The following ADAM10 variants were observed in gnomAD, a reference collection of about 807,000 sequenced individuals.
ADAM10 encodes disintegrin and metalloproteinase domain-containing protein 10.
Under a neutral mutation model 90.1 loss-of-function variants are expected in ADAM10, and 17 were observed. The observed-to-expected ratio is 0.19, with a 90% confidence interval of 0.13 to 0.28. The LOEUF (loss-of-function observed/expected upper bound fraction) is 0.28. Ranked by LOEUF, ADAM10 falls within the 10% of genes least tolerant of loss-of-function variation. The probability of loss-of-function intolerance (pLI) is 1.00; values close to 1 mark genes in which losing one functional copy is unlikely to be tolerated. For missense variants in ADAM10, 610 were observed against 914.3 expected (o/e 0.67, Z 4.29); for synonymous variants, 310 against 298.6 (o/e 1.04, Z -0.40).
chr15:58,716,472 C>T (rs1308744507), intron 2 of ADAM10, among the ~76,000 whole-genome samples: 1 of 152,102 alleles, frequency 6.6e-6, no homozygotes, highest in Non-Finnish European at 1.5e-5. Context: ...GGATTTAGGA[C>T]AAATGACACA....
chr15:58,617,460 T>G (rs1317092363), intron 11 of ADAM10, among the ~76,000 whole-genome samples: 7 of 152,110 alleles, frequency 4.6e-5, no homozygotes, highest in Non-Finnish European at 1.0e-4. Context: ...CAATACTTCC[T>G]GATCACCAGG....
chr15:58,749,148 A>C lies in ADAM10; in HGVS notation c.55+332T>G, dbSNP rs12915952. 3,637 of 398,302 alleles carry C rather than the reference A, an allele frequency of 9.1e-3. 28 individuals carry two copies. The highest frequency in any genetic ancestry group is 0.013 in the Non-Finnish European group (2,880 of 226,888). The allele number at this position is 398,302 out of a possible 1,614,324, so 24.7% of individuals were successfully genotyped here. ...CCGAGCAGACTGGAGGGATGCAGCC[A>C]CCAGCCTGGGTTCCACCGCTCTCAC... On this transcript the variant is annotated intron_variant, in intron 1 of 15. Coordinates refer to ENST00000260408, the MANE Select transcript of ADAM10 (RefSeq NM_001110.4).
intron 12 of ADAM10, 152 bp downstream of exon 12, chr15:58,611,656 G>C: frequency 1.4e-6 from 1 of 697,232 alleles, no homozygotes; most frequent in Non-Finnish European, 2.3e-6. Flanking sequence ...CTAATTGAAT[G>C]CCACATAATA....
In ADAM10 at chr15:58,632,600, C is replaced by T. The variant is rs866482644; in HGVS notation, c.1176+596G>A. 8.5e-4 allele frequency among the ~76,000 whole-genome samples: 130 copies of T among 152,288 alleles called. 1 individual carries two copies. In the Middle Eastern group the frequency reaches 0.054, roughly 64 times the overall value. On this transcript the variant is annotated intron_variant, in intron 9 of 15. Transcript: ENST00000260408. The stretch of plus-strand genomic sequence containing the variant: ...CCCTTTACAGAAAATGTTTGCTGAT[C>T]CCTGTTCTGAATCATGGGCGTATAA...
intron 9 of ADAM10, among the ~76,000 whole-genome samples, chr15:58,628,521 A>G (rs116755483): frequency 2.1e-3 from 317 of 152,360 alleles, no homozygotes; most frequent in African/African-American, 7.3e-3. Flanking sequence ...ATAAATGCAC[A>G]TAAGTGGTGT....
At chr15:58,716,105 CAAT>C (rs1306296288) in intron 2 of ADAM10, among the ~76,000 whole-genome samples, 3 of 152,044 alleles carry the variant, frequency 2.0e-5, no homozygotes, top group African/African-American at 4.8e-5. Context: ...ATTTTTTCAA[CAAT>C]AATCATTACT....
At chr15:58,720,919 A>T (rs1472012587) in intron 1 of ADAM10, among the ~76,000 whole-genome samples, 1 of 152,224 alleles carries the variant, frequency 6.6e-6, no homozygotes, top group African/African-American at 2.4e-5. Flanking sequence ...GAGTTGCCAT[A>T]GCACAAGCTT....
chr15:58,610,670 C>T, intron 13 of ADAM10, 153 bp from the exon 14 acceptor site: 1 of 763,528 alleles, frequency 1.3e-6, no homozygotes, highest in Non-Finnish European at 2.2e-6. Context: ...CTGGGTAACG[C>T]CATCAGTAAT....
In ADAM10 at chr15:58,589,431, T is replaced by A. The variant is rs543675403; in HGVS notation, c.*8116A>T. On this transcript the variant is annotated 3_prime_UTR_variant, in exon 16 of 16. Transcript: ENST00000260408. ...GGGAAGTCATCTTGGCTCTTCCCAC[T>A]ACCTACCTACCATGCTCGATATGCA... 1 of 152,380 alleles carries A rather than the reference T, an allele frequency of 6.6e-6. No individual in the cohort carries two copies. The highest frequency in any genetic ancestry group is 2.4e-5 in the African/African-American group (1 of 41,574). 9.4% of individuals were successfully genotyped at this position (152,380 alleles called of 1,614,324 possible).
chr15:58,738,924 TCA>T (rs1899515194), intron 1 of ADAM10, among the ~76,000 whole-genome samples: 1 of 152,148 alleles, frequency 6.6e-6, no homozygotes, highest in Non-Finnish European at 1.5e-5. Context: ...TACATCACTT[TCA>T]CACTCACACA....
chr15:58,730,525 C>A (rs940679661), intron 1 of ADAM10, among the ~76,000 whole-genome samples: 1 of 151,916 alleles, frequency 6.6e-6, no homozygotes, highest in African/African-American at 2.4e-5. Context: ...GGTATCAAAT[C>A]TTTGGTAAGT....
At chr15:58,696,255 C>G (rs1337359860) in intron 2 of ADAM10, among the ~76,000 whole-genome samples, 1 of 151,834 alleles carries the variant, frequency 6.6e-6, no homozygotes, top group Non-Finnish European at 1.5e-5. Flanking sequence ...CCACTGCACT[C>G]CAAGTCTGGG....
intron 2 of ADAM10, chr15:58,691,325 C>A: frequency 8.3e-7 from 1 of 1,207,122 alleles, no homozygotes; most frequent in Non-Finnish European, 1.2e-6. Flanking sequence ...ATTCCTTGAG[C>A]TGCTGCACAC....
At chr15:58,674,357 T>C (rs1897266368) in intron 4 of ADAM10, among the ~76,000 whole-genome samples, 1 of 152,202 alleles carries the variant, frequency 6.6e-6, no homozygotes, top group Non-Finnish European at 1.5e-5. Flanking sequence ...ACCAATACAC[T>C]TGTATGCACT....
intron 1 of ADAM10, among the ~76,000 whole-genome samples, chr15:58,725,368 C>CA (rs566581100): frequency 0.11 from 11,685 of 110,710 alleles, 734 homozygotes; most frequent in African/African-American, 0.2. Flanking sequence ...TTGTCTCTAC[C>CA]AAAAAAAAAA....
At chr15:58,597,724 G>C in intron 15 of ADAM10, 83 bp from the exon 16 acceptor site, 4 of 1,517,156 alleles carry the variant, frequency 2.6e-6, no homozygotes, top group South Asian at 1.2e-5. Flanking sequence ...GTTTCAATAA[G>C]AAAGGTTTTA....
At chr15:58,602,500 T>C (rs1407721506) in intron 14 of ADAM10, among the ~76,000 whole-genome samples, 1 of 152,014 alleles carries the variant, frequency 6.6e-6, no homozygotes, top group African/African-American at 2.4e-5. Context: ...CCACTATAGC[T>C]CCCCAACTTT....
In ADAM10 at chr15:58,729,720, T is replaced by C. The variant is rs138423413; in HGVS notation, c.56-11993A>G. Among the ~76,000 whole-genome samples the C allele has an allele frequency of 3.1e-3, 478 of 152,182 alleles. 2 individuals carry two copies. Among genetic ancestry groups the C allele is most frequent in the African/African-American group, 0.011 (453 of 41,526 alleles). ...GGCTCACGCTTGTAATCCCAGCACT[T>C]TGGGAGGCCAAGGCAGGCGGATCAC... is the stretch of plus-strand genomic sequence containing the variant. On this transcript the variant is annotated intron_variant, in intron 1 of 15. Coordinates refer to ENST00000260408, the MANE Select transcript of ADAM10 (RefSeq NM_001110.4).
chr15:58,631,534 T>A (rs1417426045), intron 9 of ADAM10, among the ~76,000 whole-genome samples: 1 of 152,138 alleles, frequency 6.6e-6, no homozygotes, highest in Non-Finnish European at 1.5e-5. Context: ...AGCAGCATTA[T>A]GTGGGAGTAT....
Sources: allele counts gnomAD v4.1 joint callset (sites outside exome capture counted in the v4.1 genomes callset), GRCh38; gene constraint gnomAD v4.1.1; transcripts MANE v1.5; gene names NCBI Gene and HGNC (gene_info 2026-07-23, HGNC 2026-07-21).